NAV2: variants seen among roughly 807,000 people sequenced by gnomAD.
NAV2 encodes the protein neuron navigator 2.
A neutral mutation model predicts 223.2 loss-of-function variants in NAV2; 54 were observed. The ratio of observed to expected loss-of-function variants is 0.24; its 90% CI spans 0.19 to 0.30. The LOEUF (loss-of-function observed/expected upper bound fraction) is 0.30. NAV2 is among the 10% of genes least tolerant of loss of function. The probability of loss-of-function intolerance (pLI) is 1.00; values close to 1 mark genes in which losing one functional copy is unlikely to be tolerated. For missense variants in NAV2, 2,806 were observed against 3,147.5 expected (o/e 0.89, Z 2.60); for synonymous variants, 1,279 against 1,239.3 (o/e 1.03, Z -0.67).
intron 10 of NAV2, among the ~76,000 whole-genome samples, chr11:19,965,947 G>A (rs2048735670): frequency 2.0e-5 from 3 of 152,200 alleles, no homozygotes; most frequent in African/African-American, 7.2e-5. Context: ...TCACTCCTGG[G>A]CTGGGATGAC....
intron 10 of NAV2, among the ~76,000 whole-genome samples, chr11:19,955,685 G>A (rs936390544): frequency 2.0e-5 from 3 of 152,162 alleles, no homozygotes; most frequent in East Asian, 1.9e-4. Context: ...GGACAAATGT[G>A]TGAGGTATTT....
Position 20,051,349 on chromosome 11 carries a change from C to G in NAV2, c.4481+16C>G. On this transcript the variant is annotated intron_variant, in intron 17 of 37. Coordinates refer to ENST00000349880, the MANE Select transcript of NAV2 (RefSeq NM_145117.5). ...AAGGACTCAGGTATCTGTGTTTCCT[C>G]CTTGCATCTGTGCCATCTGTTGTGG... 1.2e-6 allele frequency: 2 copies of G among 1,612,956 alleles called. No individual in the cohort carries two copies. Among genetic ancestry groups the G allele is most frequent in the Non-Finnish European group, 1.7e-6 (2 of 1,178,870 alleles).
At chr11:19,985,796 G>A (rs1261346780) in intron 11 of NAV2, among the ~76,000 whole-genome samples, 4 of 151,996 alleles carry the variant, frequency 2.6e-5, no homozygotes, top group Non-Finnish European at 4.4e-5. Flanking sequence ...GGCTGGTCTC[G>A]AACTCTCGAA....
At position 19,556,150 on chromosome 11, in the gene NAV2, C is replaced by A. The variant is rs532772975; in HGVS notation, c.75+205123C>A. The stretch of plus-strand genomic sequence containing the variant: ...ACTCTACCACTGCTGGGAATCTTGC[C>A]TAAGGAAATAATCTAAAATACAGGA... On this transcript the variant is annotated intron_variant, in intron 1 of 37. Transcript: ENST00000360655. Among the ~76,000 whole-genome samples, 3 of 152,226 alleles carry A rather than the reference C, an allele frequency of 2.0e-5. No homozygotes were observed. In the East Asian group the frequency reaches 5.8e-4, roughly 29 times the overall value.
At chr11:19,719,297 G>A (rs973719593) in intron 1 of NAV2, among the ~76,000 whole-genome samples, 5 of 152,200 alleles carry the variant, frequency 3.3e-5, no homozygotes, top group Non-Finnish European at 5.9e-5. Context: ...ACAAGAAGCT[G>A]GATAAAATGG....
intron 1 of NAV2, among the ~76,000 whole-genome samples, chr11:19,432,121 C>T (rs1851058089): frequency 6.6e-6 from 1 of 151,806 alleles, no homozygotes; most frequent in Admixed American, 6.6e-5. Context: ...TCACTTGAAC[C>T]CGGGAAGTGG....
chr11:19,548,448 G>T (rs761519592), intron 1 of NAV2, among the ~76,000 whole-genome samples: 1 of 152,184 alleles, frequency 6.6e-6, no homozygotes, highest in African/African-American at 2.4e-5. Flanking sequence ...AAGATGTCAA[G>T]TCATTTGCCC....
At chr11:19,511,056 TA>T (rs1449436120) in intron 1 of NAV2, 4 of 152,230 alleles carry the variant, frequency 2.6e-5, no homozygotes, top group Admixed American at 2.6e-4. Flanking sequence ...TCTTGGTTTT[TA>T]GGCTGAGGAA....
intron 1 of NAV2, among the ~76,000 whole-genome samples, chr11:19,524,100 A>G (rs1199925174): frequency 6.6e-6 from 1 of 151,854 alleles, no homozygotes; most frequent in Non-Finnish European, 1.5e-5. Flanking sequence ...TCACCTCTCT[A>G]TCTCCCCTGG....
At chr11:19,860,556 C>T in intron 3 of NAV2, among the ~76,000 whole-genome samples, 1 of 148,766 alleles carries the variant, frequency 6.7e-6, no homozygotes, top group Non-Finnish European at 1.5e-5. Flanking sequence ...ACTGGGCAGC[C>T]AGGCAGAGGG....
At chr11:19,394,910 C>T (rs1482772317) in intron 1 of NAV2, among the ~76,000 whole-genome samples, 1 of 152,208 alleles carries the variant, frequency 6.6e-6, no homozygotes, top group South Asian at 2.1e-4. Flanking sequence ...TGAATGTAAC[C>T]TGCAGTGTGT....
chr11:19,622,746 A>T (rs978281835), intron 1 of NAV2, among the ~76,000 whole-genome samples: 2 of 152,106 alleles, frequency 1.3e-5, no homozygotes, highest in Non-Finnish European at 2.9e-5. Flanking sequence ...TTTTAATTGG[A>T]GCATTTAGCC....
rs192055218 is a variant in NAV2 at position 19,799,588 on chromosome 11, C to T, written c.268-32896C>T. 2.0e-3 allele frequency among the ~76,000 whole-genome samples: 192 copies of T among 95,488 alleles called. 1 individual carries two copies. The South Asian group carries it at 0.029, about 14-fold the overall frequency. The allele number at this position is 95,488 out of a possible 152,430, so 62.6% of individuals were successfully genotyped here. On this transcript the variant is annotated intron_variant, in intron 1 of 37. Coordinates refer to ENST00000349880, the MANE Select transcript of NAV2 (RefSeq NM_145117.5). ...TTGGGGGCAGGGGGAGGGTGGGTGG[C>T]GGGGTGAAGAACTGCTGGTTCAGAA... is the stretch of plus-strand genomic sequence containing the variant.
chr11:19,646,290 C>A (rs931510265), intron 1 of NAV2, among the ~76,000 whole-genome samples: 1 of 152,172 alleles, frequency 6.6e-6, no homozygotes, highest in African/African-American at 2.4e-5. Flanking sequence ...TCCTCCTTAC[C>A]AACCTTGAGG....
chr11:19,618,488 GGATA>G (rs1423903652), intron 1 of NAV2, among the ~76,000 whole-genome samples: 1 of 118,258 alleles, frequency 8.5e-6, no homozygotes, highest in Non-Finnish European at 1.8e-5. Context: ...ATGGCTGTCT[GGATA>G]GATGGATGGA....
At chr11:19,943,744 C>T (rs1172947307) in intron 8 of NAV2, among the ~76,000 whole-genome samples, 1 of 152,110 alleles carries the variant, frequency 6.6e-6, no homozygotes, top group East Asian at 1.9e-4. Context: ...GAAAATATTG[C>T]TCAACGCTTG....
At chr11:19,625,617 A>G (rs2047146736) in intron 1 of NAV2, among the ~76,000 whole-genome samples, 1 of 152,158 alleles carries the variant, frequency 6.6e-6, no homozygotes, top group Non-Finnish European at 1.5e-5. Context: ...TAGTTTTTTG[A>G]GGAACTTCCA....
chr11:20,114,178 C>T (rs2062859108), intron 36 of NAV2, among the ~76,000 whole-genome samples: 1 of 152,176 alleles, frequency 6.6e-6, no homozygotes, highest in South Asian at 2.1e-4. Flanking sequence ...ACTCCACATC[C>T]AGTGACATCA....
At chr11:19,806,540 T>C (rs544121517) in intron 1 of NAV2, among the ~76,000 whole-genome samples, 1 of 152,364 alleles carries the variant, frequency 6.6e-6, no homozygotes, top group South Asian at 2.1e-4. Context: ...AACCTGGTCT[T>C]TGAAAGCAGA....
Sources: allele counts gnomAD v4.1 joint callset (sites outside exome capture counted in the v4.1 genomes callset), GRCh38; gene constraint gnomAD v4.1.1; transcripts MANE v1.5; gene names NCBI Gene and HGNC (gene_info 2026-07-23, HGNC 2026-07-21).